CNTNAP4: variants seen among roughly 807,000 people sequenced by gnomAD.
CNTNAP4 encodes the protein contactin-associated protein-like 4.
Under a neutral mutation model 148.4 loss-of-function variants are expected in CNTNAP4, and 98 were observed. That is an observed-to-expected ratio of 0.66 (90% confidence interval 0.56 to 0.78). The LOEUF is 0.78. CNTNAP4 is among the 30% of genes least tolerant of loss of function. The pLI, the probability that CNTNAP4 is intolerant of heterozygous loss-of-function variation, is 0.00. For synonymous variants in CNTNAP4, 730 were observed against 565.1 expected (o/e 1.29, Z -4.14); for missense variants, 1,935 against 1,565.6 (o/e 1.24, Z -3.98).
intron 12 of CNTNAP4, among the ~76,000 whole-genome samples, chr16:76,486,255 G>A (rs1233349047): frequency 6.6e-6 from 1 of 151,972 alleles, no homozygotes; most frequent in Non-Finnish European, 1.5e-5. Flanking sequence ...TGGTAATAAA[G>A]TAAAATCATG....
At position 76,464,516 on chromosome 16, in the gene CNTNAP4, T is replaced by A. The variant is rs1597628093; in HGVS notation, c.1483+2411T>A. 3.3e-5 allele frequency among the ~76,000 whole-genome samples: 5 copies of A among 152,304 alleles called. No homozygotes were observed. The South Asian group carries it at 1.0e-3, about 32-fold the overall frequency. On this transcript the variant is annotated intron_variant, in intron 9 of 23. Coordinates refer to ENST00000611870, the MANE Select transcript of CNTNAP4 (RefSeq NM_033401.5). ...CTGCTCTCTATCACTAGGATCTGTG[T>A]TGTCTAGGTGGAAAGTGTTTTTTAG...
At chr16:76,447,676 T>C (rs2080300734) in intron 4 of CNTNAP4, among the ~76,000 whole-genome samples, 2 of 152,212 alleles carry the variant, frequency 1.3e-5, no homozygotes, top group Admixed American at 1.3e-4. Flanking sequence ...TTCAATAAAT[T>C]ACATGAGATA....
At chr16:76,421,498 C>T (rs899477649) in intron 3 of CNTNAP4, among the ~76,000 whole-genome samples, 8 of 152,034 alleles carry the variant, frequency 5.3e-5, no homozygotes, top group Non-Finnish European at 1.2e-4. Flanking sequence ...TTACTCTCAT[C>T]TGGGTTTATG....
At chr16:76,517,703 A>G (rs2144067756) in intron 15 of CNTNAP4, among the ~76,000 whole-genome samples, 1 of 152,330 alleles carries the variant, frequency 6.6e-6, no homozygotes. Context: ...TCAGTAATAT[A>G]AAGTGTGCTA....
At chr16:76,521,335 G>A (rs966584988) in intron 16 of CNTNAP4, 25 bp downstream of exon 16, 3 of 1,565,036 alleles carry the variant, frequency 1.9e-6, no homozygotes, top group Admixed American at 2.0e-5. Flanking sequence ...CCAGAGAAGT[G>A]TATGAGATTC....
At chr16:76,430,265 A>G (rs1306740748) in intron 4 of CNTNAP4, among the ~76,000 whole-genome samples, 1 of 152,210 alleles carries the variant, frequency 6.6e-6, no homozygotes, top group East Asian at 1.9e-4. Context: ...GGAAGCAGGC[A>G]CATGAATATT....
chr16:76,415,250 T>G (rs2078934362), intron 3 of CNTNAP4, among the ~76,000 whole-genome samples: 1 of 151,284 alleles, frequency 6.6e-6, no homozygotes, highest in Non-Finnish European at 1.5e-5. Flanking sequence ...ATACATCTTC[T>G]TACTACTTCC....
At chr16:76,471,203 G>C (rs2081362367) in intron 10 of CNTNAP4, among the ~76,000 whole-genome samples, 3 of 152,124 alleles carry the variant, frequency 2.0e-5, no homozygotes, top group African/African-American at 4.8e-5. Context: ...CTTCGGAGAG[G>C]GGTGGCGAAG....
chr16:76,355,116 A>G (rs1276639325), intron 2 of CNTNAP4, among the ~76,000 whole-genome samples: 1 of 152,232 alleles, frequency 6.6e-6, no homozygotes, highest in Non-Finnish European at 1.5e-5. Flanking sequence ...AAATCTAGAA[A>G]TGAATACAAT....
chr16:76,379,808 T>A (rs2015785203), intron 3 of CNTNAP4, among the ~76,000 whole-genome samples: 1 of 152,216 alleles, frequency 6.6e-6, no homozygotes, highest in Non-Finnish European at 1.5e-5. Flanking sequence ...TTCTTCAAAT[T>A]GATTCATGGA....
In CNTNAP4 at chr16:76,361,722, G is replaced by A. The variant is rs1017398657; in HGVS notation, c.390+6211G>A. On this transcript the variant is annotated intron_variant, in intron 3 of 23. Transcript: ENST00000611870. ...CATGGAATTTCAGTTTTTAATTTTT[G>A]AGGAAATTCCATACTGCATGCTGTT... is the stretch of plus-strand genomic sequence containing the variant. 1.2e-4 allele frequency among the ~76,000 whole-genome samples: 19 copies of A among 152,254 alleles called. 1 individual carries two copies. The highest frequency in any genetic ancestry group is 4.6e-4 in the African/African-American group (19 of 41,558).
chr16:76,524,051 C>T (rs747118077), intron 17 of CNTNAP4, among the ~76,000 whole-genome samples: 3 of 152,178 alleles, frequency 2.0e-5, no homozygotes, highest in Admixed American at 6.5e-5. Context: ...AACCCTCTCT[C>T]ACTGGAAAGG....
At chr16:76,305,072 T>C (rs190347639) in intron 1 of CNTNAP4, among the ~76,000 whole-genome samples, 1 of 152,352 alleles carries the variant, frequency 6.6e-6, no homozygotes, top group Admixed American at 6.5e-5. Flanking sequence ...CATAAGTTTT[T>C]ATTTTTCTGG....
At chr16:76,354,238 A>G (rs1198606693) in intron 2 of CNTNAP4, among the ~76,000 whole-genome samples, 1 of 152,228 alleles carries the variant, frequency 6.6e-6, no homozygotes, top group African/African-American at 2.4e-5. Flanking sequence ...ATAATCAGCA[A>G]TGTTAAATAA....
At chr16:76,540,440 G>C (rs1250776906) in intron 20 of CNTNAP4, among the ~76,000 whole-genome samples, 1 of 151,894 alleles carries the variant, frequency 6.6e-6, no homozygotes, top group East Asian at 1.9e-4. Flanking sequence ...AATGATACAA[G>C]GGGATAGAAG....
At chr16:76,297,428 A>T (rs1959428814) in intron 1 of CNTNAP4, among the ~76,000 whole-genome samples, 3 of 152,164 alleles carry the variant, frequency 2.0e-5, no homozygotes, top group Admixed American at 6.5e-5. Flanking sequence ...TTAATTTATT[A>T]TGTTGCAGCC....
chr16:76,461,604 G>A (rs974548606), intron 8 of CNTNAP4, among the ~76,000 whole-genome samples: 1 of 152,200 alleles, frequency 6.6e-6, no homozygotes, highest in Non-Finnish European at 1.5e-5. Context: ...ACAGTGCAAA[G>A]TAGCAGGTAA....
chr16:76,490,501 C>A (rs770909735), intron 13 of CNTNAP4, among the ~76,000 whole-genome samples: 2 of 148,962 alleles, frequency 1.3e-5, no homozygotes, highest in Non-Finnish European at 3.0e-5. Flanking sequence ...GTTTCCACCA[C>A]ATCTGCCTTA....
At chr16:76,307,526 AT>A (rs1960616078) in intron 1 of CNTNAP4, among the ~76,000 whole-genome samples, 1 of 130,818 alleles carries the variant, frequency 7.6e-6, no homozygotes, top group South Asian at 2.4e-4. Context: ...ATATATATAT[AT>A]ATATATATAT....
Sources: allele counts gnomAD v4.1 joint callset (sites outside exome capture counted in the v4.1 genomes callset), GRCh38; gene constraint gnomAD v4.1.1; transcripts MANE v1.5; gene names NCBI Gene and HGNC (gene_info 2026-07-23, HGNC 2026-07-21).